The following ATP8B4 variants were observed in gnomAD, a reference collection of about 807,000 sequenced individuals.
ATP8B4 encodes probable phospholipid-transporting ATPase IM.
ATP8B4 carries 133 observed loss-of-function variants against 145.6 expected under a neutral mutation model. The observed-to-expected ratio is 0.91, with a 90% CI of 0.79 to 1.05. The LOEUF (loss-of-function observed/expected upper bound fraction) is 1.05, where lower values mean the gene tolerates loss of function less well. Ranked by LOEUF, ATP8B4 falls within the 50% of genes least tolerant of loss-of-function variation. The pLI, the probability that ATP8B4 is intolerant of heterozygous loss-of-function variation, is 0.00. For synonymous variants in ATP8B4, 507 were observed against 492.9 expected, an observed-to-expected ratio of 1.03 and a Z score of -0.38; for missense variants, 1,458 against 1,425.2, an observed-to-expected ratio of 1.02 and a Z score of -0.37.
chr15:49,940,368 G>GTACAATAGACACCAGGTA (rs1436763658), intron 14 of ATP8B4, among the ~76,000 whole-genome samples: 1 of 152,102 alleles, frequency 6.6e-6, no homozygotes, highest in East Asian at 1.9e-4. Flanking sequence ...TCATAAAGGT[G>GTACAATAGACACCAGGTA]CAACAATAGA....
chr15:50,140,181 T>C (rs1395036122), intron 1 of ATP8B4, among the ~76,000 whole-genome samples: 1 of 152,112 alleles, frequency 6.6e-6, no homozygotes, highest in African/African-American at 2.4e-5. Context: ...ATAAAAAATG[T>C]TTTTAAAGAA....
intron 2 of ATP8B4, among the ~76,000 whole-genome samples, chr15:50,094,004 A>T (rs986329656): frequency 6.6e-6 from 1 of 152,180 alleles, no homozygotes. Flanking sequence ...CTGACAAACC[A>T]AAAGGAGAAA....
chr15:50,145,596 T>A (rs1306368312), intron 1 of ATP8B4, among the ~76,000 whole-genome samples: 1 of 152,182 alleles, frequency 6.6e-6, no homozygotes, highest in African/African-American at 2.4e-5. Flanking sequence ...AGTGGAAATT[T>A]TACTAAATGT....
chr15:50,114,112 T>TTC (rs1555494048), intron 1 of ATP8B4, among the ~76,000 whole-genome samples: 2 of 139,484 alleles, frequency 1.4e-5, no homozygotes, highest in Admixed American at 7.3e-5. Context: ...TCTTTTTTTT[T>TTC]TTTTTTTTTT....
At chr15:49,881,215 C>T (rs1443768392) in intron 23 of ATP8B4, among the ~76,000 whole-genome samples, 1 of 152,148 alleles carries the variant, frequency 6.6e-6, no homozygotes, top group Non-Finnish European at 1.5e-5. Flanking sequence ...AATGATGCCA[C>T]TGAATGTGGA....
At chr15:50,013,485 T>C (rs1677773234) in intron 6 of ATP8B4, among the ~76,000 whole-genome samples, 1 of 152,164 alleles carries the variant, frequency 6.6e-6, no homozygotes, top group Admixed American at 6.6e-5. Flanking sequence ...AAAATGTGGC[T>C]CAATTTTCAG....
chr15:50,121,648 C>T (rs944647830), upstream of ATP8B4, among the ~76,000 whole-genome samples: 16 of 151,800 alleles, frequency 1.1e-4, no homozygotes, highest in African/African-American at 2.4e-4. Context: ...TTTAAATTCT[C>T]GATTTAGGAT....
chr15:49,861,448 GTCTGTCTA>G (rs1461598188), intron 27 of ATP8B4, among the ~76,000 whole-genome samples: 197 of 142,342 alleles, frequency 1.4e-3, no homozygotes, highest in African/African-American at 4.8e-3. Context: ...CTGTCTGTCT[GTCTGTCTA>G]TCTATCTATC....
chr15:49,901,205 T>G lies in ATP8B4; in HGVS notation c.2176A>C (p.Asn726His). The G allele has an allele frequency of 6.2e-7, 1 of 1,613,428 alleles. No individual in the cohort carries two copies. Among genetic ancestry groups the G allele is most frequent in the Non-Finnish European group, 8.5e-7 (1 of 1,179,572 alleles). The stretch of plus-strand genomic sequence containing the variant: ...CAAACTACATGGCCATTGGAAAAAT[T>G]TCTGTTTTGTCCAAACAAATTTTGT... ...AKQNLFGQNR[N>H]FSNGHVVCEK... Residue 726 changes from asparagine (N) to histidine (H), a missense_variant, in exon 21 of 28, where the codon AAT (asparagine) becomes CAT (histidine). Physicochemically the swap from Asn to His is moderately conservative, Grantham distance 68 (BLOSUM62 1). Coordinates refer to ENST00000284509, the MANE Select transcript of ATP8B4 (RefSeq NM_024837.4).
At chr15:50,160,047 A>T (rs2044493605) in intron 1 of ATP8B4, among the ~76,000 whole-genome samples, 2 of 18,582 alleles carry the variant, frequency 1.1e-4, no homozygotes, top group African/African-American at 3.5e-4. Context: ...TTGCTGGGAG[A>T]CTTTTTATTA....
chr15:50,081,273 T>C (rs2054541834), intron 2 of ATP8B4, among the ~76,000 whole-genome samples: 1 of 152,182 alleles, frequency 6.6e-6, no homozygotes, highest in South Asian at 2.1e-4. Context: ...CTGTGTGTTA[T>C]AATCATTTAA....
chr15:50,145,684 CCTTT>C (rs538990258), intron 1 of ATP8B4, among the ~76,000 whole-genome samples: 48 of 152,114 alleles, frequency 3.2e-4, no homozygotes, highest in African/African-American at 9.4e-4. Flanking sequence ...CTTTTTCCTT[CCTTT>C]CTTTCTTTCT....
intron 20 of ATP8B4, among the ~76,000 whole-genome samples, chr15:49,909,565 C>T (rs982730502): frequency 2.0e-5 from 3 of 151,878 alleles, no homozygotes; most frequent in Non-Finnish European, 2.9e-5. Context: ...ACCCTTGGAC[C>T]CAAAGACAGG....
At chr15:50,122,826 G>A (rs1372339812), upstream of ATP8B4, among the ~76,000 whole-genome samples, 2 of 152,166 alleles carry the variant, frequency 1.3e-5, no homozygotes, top group African/African-American at 4.8e-5. Flanking sequence ...AATGAGAATT[G>A]CTGAAGTGTA....
At chr15:49,883,794 A>T (rs879904458) in intron 23 of ATP8B4, among the ~76,000 whole-genome samples, 7 of 144,502 alleles carry the variant, frequency 4.8e-5, no homozygotes, top group Non-Finnish European at 8.9e-5. Flanking sequence ...AAATTATATT[A>T]AAAAAAAACC....
At chr15:49,996,780 C>A (rs1205834518) in intron 8 of ATP8B4, 21 bp from the exon 9 acceptor site, 6 of 1,592,346 alleles carry the variant, frequency 3.8e-6, no homozygotes, top group African/African-American at 1.3e-5. Context: ...ATTGACATGA[C>A]ATGAATTTTT....
At position 49,906,421 on chromosome 15, in the gene ATP8B4, T is replaced by C. The variant is rs535536240; in HGVS notation, c.2142-5182A>G. 8.5e-5 allele frequency among the ~76,000 whole-genome samples: 13 copies of C among 152,296 alleles called. No individual in the cohort carries two copies. The East Asian group carries it at 2.1e-3, about 25-fold the overall frequency. Reference sequence around the variant, plus strand: ...CCATATTCTTTCCACGTAATGACAGTTGTGTCATCTAGCCAACCAAATGTA... The same window carrying C: ...CCATATTCTTTCCACGTAATGACAGCTGTGTCATCTAGCCAACCAAATGTA... On this transcript the variant is annotated intron_variant, in intron 20 of 27. Coordinates refer to ENST00000284509, the MANE Select transcript of ATP8B4 (RefSeq NM_024837.4).
At chr15:49,965,860 G>A (rs376359970) in intron 13 of ATP8B4, among the ~76,000 whole-genome samples, 19 of 149,004 alleles carry the variant, frequency 1.3e-4, no homozygotes, top group East Asian at 8.1e-4. Flanking sequence ...GCTCTGGTCC[G>A]TAGCTCCCAA....
intron 24 of ATP8B4, among the ~76,000 whole-genome samples, chr15:49,878,716 C>T (rs74012825): frequency 0.015 from 2,327 of 152,248 alleles, 60 homozygotes; most frequent in African/African-American, 0.053. Context: ...CCCACTCAAG[C>T]ACATTGATGC....
Sources: gnomAD v4.1 joint callset for allele counts (sites outside exome capture counted in the v4.1 genomes callset) on GRCh38, gnomAD v4.1.1 for gene constraint, MANE v1.5 for transcripts, NCBI Gene and HGNC (gene_info 2026-07-23, HGNC 2026-07-21) for gene names.